The following PRKN variants were observed in gnomAD, a reference collection of about 807,000 sequenced individuals.
PRKN encodes the protein parkin RBR E3 ubiquitin protein ligase, also known as E3 ubiquitin-protein ligase parkin.
Under a neutral mutation model 59.5 loss-of-function variants are expected in PRKN, and 56 were observed. That is an observed-to-expected ratio of 0.94 (90% CI 0.76 to 1.18). The LOEUF is 1.18. Among genes scored for constraint, PRKN ranks in the 50% most tolerant of loss-of-function variants. The pLI is 0.00. For synonymous variants in PRKN, 250 were observed against 222.1 expected (o/e 1.13, Z -1.12); for missense variants, 657 against 596.4 (o/e 1.10, Z -1.06).
At chr6:162,514,227 C>G (rs1451719447) in intron 1 of PRKN, among the ~76,000 whole-genome samples, 2 of 151,802 alleles carry the variant, frequency 1.3e-5, no homozygotes, top group East Asian at 3.9e-4. Flanking sequence ...CTCTTTCAAA[C>G]CCTCTTGGTT....
At chr6:161,535,234 G>A (rs571982116) in intron 9 of PRKN, among the ~76,000 whole-genome samples, 196 of 152,216 alleles carry the variant, frequency 1.3e-3, no homozygotes, top group African/African-American at 4.6e-3. Context: ...TAGAAGGGGC[G>A]AATACAATTT....
At chr6:162,451,366 GT>G (rs1790614434) in intron 1 of PRKN, among the ~76,000 whole-genome samples, 1 of 70,406 alleles carries the variant, frequency 1.4e-5, no homozygotes, top group Non-Finnish European at 2.8e-5. Context: ...CCTTAAAGGA[GT>G]AAAAAAAAAA....
intron 6 of PRKN, among the ~76,000 whole-genome samples, chr6:161,954,168 G>A (rs1251042229): frequency 2.0e-5 from 3 of 152,186 alleles, no homozygotes; most frequent in Admixed American, 6.5e-5. Context: ...AATCTCAGCC[G>A]TGTAGCTGAA....
chr6:162,364,850 G>C (rs1785339419), intron 2 of PRKN, among the ~76,000 whole-genome samples: 1 of 152,074 alleles, frequency 6.6e-6, no homozygotes, highest in South Asian at 2.1e-4. Flanking sequence ...ATATGATCCT[G>C]GGCTGTCAAT....
At chr6:161,943,060 T>C (rs1222373769) in intron 6 of PRKN, among the ~76,000 whole-genome samples, 1 of 152,218 alleles carries the variant, frequency 6.6e-6, no homozygotes, top group Non-Finnish European at 1.5e-5. Flanking sequence ...TAAAATGATA[T>C]CAAACTTTTT....
intron 2 of PRKN, among the ~76,000 whole-genome samples, chr6:162,318,166 C>T (rs552859884): frequency 1.1e-4 from 16 of 152,100 alleles, no homozygotes; most frequent in Middle Eastern, 6.8e-3. Context: ...TGGAATCATA[C>T]GATATTTCTG....
At chr6:162,605,701 GATTT>G (rs1211485998) in intron 1 of PRKN, among the ~76,000 whole-genome samples, 1 of 152,106 alleles carries the variant, frequency 6.6e-6, no homozygotes, top group Non-Finnish European at 1.5e-5. Flanking sequence ...CTAGGGTAAT[GATTT>G]ATTATACCCA....
intron 6 of PRKN, among the ~76,000 whole-genome samples, chr6:161,927,051 A>T (rs1778994309): frequency 6.6e-6 from 1 of 152,204 alleles, no homozygotes; most frequent in Non-Finnish European, 1.5e-5. Flanking sequence ...AGAAAATTAC[A>T]GTTTTAGATA....
rs143823248 is a variant in PRKN, at chr6:161,729,828, T to G, written c.871+55944A>C. ...TCCTGATATGTTGCATATTCTGACA[T>G]GTTGCATTCTTTCTGATGTGCTGCA... On this transcript the variant is annotated intron_variant, in intron 7 of 11. Coordinates refer to ENST00000366898, the MANE Select transcript of PRKN (RefSeq NM_004562.3). Among the ~76,000 whole-genome samples the G allele has an allele frequency of 2.7e-4, 41 of 150,856 alleles. 1 individual carries two copies. Among genetic ancestry groups the G allele is most frequent in the African/African-American group, 1.0e-3 (41 of 40,124 alleles).
At chr6:161,367,873 G>A (rs980138101) in intron 10 of PRKN, among the ~76,000 whole-genome samples, 4 of 152,154 alleles carry the variant, frequency 2.6e-5, no homozygotes, top group Admixed American at 6.5e-5. Flanking sequence ...CCTGAAGGAC[G>A]GAGCTTGTCA....
At chr6:161,438,365 A>C (rs776648739) in intron 9 of PRKN, among the ~76,000 whole-genome samples, 1 of 151,910 alleles carries the variant, frequency 6.6e-6, no homozygotes, top group East Asian at 1.9e-4. Flanking sequence ...CTACAGGCAC[A>C]CACCACCACG....
intron 4 of PRKN, among the ~76,000 whole-genome samples, chr6:162,060,552 A>G (rs1778059301): frequency 6.6e-6 from 1 of 152,258 alleles, no homozygotes; most frequent in East Asian, 1.9e-4. Context: ...TCTAGAACTC[A>G]TAATCTGAAA....
At chr6:161,865,559 T>C (rs1175212089) in intron 6 of PRKN, among the ~76,000 whole-genome samples, 2 of 152,244 alleles carry the variant, frequency 1.3e-5, no homozygotes, top group Non-Finnish European at 2.9e-5. Context: ...CTAGATCTTC[T>C]GGATAACTTG....
intron 6 of PRKN, among the ~76,000 whole-genome samples, chr6:161,807,351 A>G (rs1001088718): frequency 1.3e-5 from 2 of 152,330 alleles, no homozygotes; most frequent in Non-Finnish European, 2.9e-5. Context: ...ACACATGCAT[A>G]TACACAAACA....
Position 162,230,267 on chromosome 6 carries a change from A to G in PRKN, c.413-29015T>C, listed in dbSNP as rs192422679. Among the ~76,000 whole-genome samples the G allele has an allele frequency of 9.2e-5, 14 of 152,362 alleles. No individual in the cohort carries two copies. The East Asian group carries it at 2.7e-3, about 29-fold the overall frequency. ...ACTCAAATTAACTGTAAGTGTGTCT[A>G]TCTGTTGGCATGAGCCAAGAAGTAT... On this transcript the variant is annotated intron_variant, in intron 3 of 11. Coordinates refer to ENST00000366898, the MANE Select transcript of PRKN (RefSeq NM_004562.3).
At chr6:162,363,389 T>C (rs149538275) in intron 2 of PRKN, among the ~76,000 whole-genome samples, 177 of 152,286 alleles carry the variant, frequency 1.2e-3, no homozygotes, top group African/African-American at 4.1e-3. Context: ...AAATGTATTT[T>C]TCTATACAAA....
At chr6:162,481,708 CTAAAA>C (rs1792318622) in intron 1 of PRKN, among the ~76,000 whole-genome samples, 1 of 152,088 alleles carries the variant, frequency 6.6e-6, no homozygotes, top group Non-Finnish European at 1.5e-5. Flanking sequence ...CATTGATTAA[CTAAAA>C]TATTTTTTTT....
chr6:161,780,336 T>C (rs1790150630), intron 7 of PRKN, among the ~76,000 whole-genome samples: 1 of 152,134 alleles, frequency 6.6e-6, no homozygotes, highest in Non-Finnish European at 1.5e-5. Context: ...GCAAAAAATA[T>C]GAAAAGAATT....
intron 5 of PRKN, among the ~76,000 whole-genome samples, chr6:161,994,927 A>AT: frequency 6.6e-6 from 1 of 151,592 alleles, no homozygotes; most frequent in Non-Finnish European, 1.5e-5. Context: ...AGAAATAGAA[A>AT]AAAAAAAAAC....
Sources: allele counts gnomAD v4.1 joint callset (sites outside exome capture counted in the v4.1 genomes callset), GRCh38; gene constraint gnomAD v4.1.1; transcripts MANE v1.5; gene names NCBI Gene and HGNC (gene_info 2026-07-23, HGNC 2026-07-21).